EPM2A: variants seen among roughly 807,000 people sequenced by gnomAD.
EPM2A encodes the protein laforin.
In EPM2A, 21 loss-of-function variants were observed where a neutral mutation model predicts 26.5. The ratio of observed to expected loss-of-function variants is 0.79; its 90% CI spans 0.56 to 1.14. The LOEUF (loss-of-function observed/expected upper bound fraction) is 1.14. EPM2A is among the 50% of genes most tolerant of loss of function. EPM2A has a pLI of 0.00. For synonymous variants in EPM2A, 217 were observed against 177.6 expected (o/e 1.22, Z -1.76); for missense variants, 458 against 440.8 (o/e 1.04, Z -0.35).
intron 1 of EPM2A, among the ~76,000 whole-genome samples, chr6:145,691,260 G>A (rs1181673134): frequency 2.0e-5 from 3 of 151,794 alleles, no homozygotes; most frequent in Non-Finnish European, 4.4e-5. Flanking sequence ...AGTAGCCAGA[G>A]AAAAACAGCA....
At chr6:145,420,970 G>C (rs1005002008) in intron 4 of EPM2A, among the ~76,000 whole-genome samples, 1 of 152,008 alleles carries the variant, frequency 6.6e-6, no homozygotes, top group African/African-American at 2.4e-5. Flanking sequence ...AGAGCCTTTG[G>C]GACCTAATTA....
intron 2 of EPM2A, among the ~76,000 whole-genome samples, chr6:145,588,338 G>A (rs1420216710): frequency 1.3e-5 from 2 of 152,092 alleles, no homozygotes; most frequent in Non-Finnish European, 2.9e-5. Context: ...AACAAGAATG[G>A]ACAAATCATA....
chr6:145,572,931 C>A (rs557636878), intron 2 of EPM2A, among the ~76,000 whole-genome samples: 222 of 152,260 alleles, frequency 1.5e-3, no homozygotes, highest in Admixed American at 2.3e-3. Context: ...GCACGCTAGG[C>A]GTTATGCCTC....
intron 1 of EPM2A, among the ~76,000 whole-genome samples, chr6:145,713,996 A>G (rs542793187): frequency 1.3e-5 from 2 of 152,348 alleles, no homozygotes; most frequent in East Asian, 3.9e-4. Flanking sequence ...CACATATTGT[A>G]TGACTCCATT....
intron 2 of EPM2A, among the ~76,000 whole-genome samples, chr6:145,682,102 T>G (rs1196014485): frequency 1.3e-5 from 2 of 152,148 alleles, no homozygotes; most frequent in East Asian, 3.9e-4. Flanking sequence ...GGAGGTTTAA[T>G]GGACTCACAG....
At chr6:145,416,959 T>C (rs1778716779) in intron 4 of EPM2A, among the ~76,000 whole-genome samples, 1 of 152,188 alleles carries the variant, frequency 6.6e-6, no homozygotes, top group African/African-American at 2.4e-5. Context: ...GAAGGGTTTC[T>C]ACAGGATGTT....
chr6:145,669,193 A>G (rs1314623155), intron 2 of EPM2A, among the ~76,000 whole-genome samples: 4 of 152,208 alleles, frequency 2.6e-5, no homozygotes, highest in African/African-American at 9.7e-5. Flanking sequence ...GCATTTTACA[A>G]CTTATCAAAA....
chr6:145,727,648 C>T (rs1017463056), intron 1 of EPM2A, among the ~76,000 whole-genome samples: 4 of 152,174 alleles, frequency 2.6e-5, no homozygotes, highest in Non-Finnish European at 5.9e-5. Context: ...ATAGAGTTTA[C>T]AATCTGGTAG....
At chr6:145,707,388 T>C (rs542811392) in intron 1 of EPM2A, among the ~76,000 whole-genome samples, 2 of 152,130 alleles carry the variant, frequency 1.3e-5, no homozygotes, top group East Asian at 3.9e-4. Flanking sequence ...TACTAAGAAG[T>C]TTAGACTTAT....
At chr6:145,400,346 G>C (rs2114666017) in intron 4 of EPM2A, among the ~76,000 whole-genome samples, 1 of 152,294 alleles carries the variant, frequency 6.6e-6, no homozygotes, top group East Asian at 1.9e-4. Flanking sequence ...TGATGACACA[G>C]AAGGTCAGAC....
At chr6:145,590,381 T>C (rs924209894) in intron 2 of EPM2A, among the ~76,000 whole-genome samples, 1 of 151,976 alleles carries the variant, frequency 6.6e-6, no homozygotes, top group Non-Finnish European at 1.5e-5. Flanking sequence ...AGGGCACTTA[T>C]TCTCCTCCAG....
intron 1 of EPM2A, among the ~76,000 whole-genome samples, chr6:145,728,049 G>A (rs565301408): frequency 2.6e-5 from 4 of 152,236 alleles, no homozygotes; most frequent in South Asian, 4.1e-4. Flanking sequence ...CATGTAGGAC[G>A]TGCCTGCTTC....
At chr6:145,394,265 A>T (rs939955757) in intron 4 of EPM2A, among the ~76,000 whole-genome samples, 1 of 152,102 alleles carries the variant, frequency 6.6e-6, no homozygotes, top group Admixed American at 6.6e-5. Context: ...ACCATTCCAG[A>T]GGTCTATCCT....
intron 4 of EPM2A, among the ~76,000 whole-genome samples, chr6:145,466,171 C>CAA (rs201248621): frequency 1.4e-5 from 2 of 145,242 alleles, no homozygotes; most frequent in Non-Finnish European, 1.5e-5. Context: ...TTCTGCATAG[C>CAA]AAAAAAAAAA....
chr6:145,662,451 A>AG (rs1437673060), intron 2 of EPM2A, among the ~76,000 whole-genome samples: 1 of 151,908 alleles, frequency 6.6e-6, no homozygotes, highest in Non-Finnish European at 1.5e-5. Flanking sequence ...TTGTTCAAAA[A>AG]AATCATTTAA....
chr6:145,626,991 A>T lies in EPM2A; in HGVS notation c.*425T>A, dbSNP rs2128555603. On this transcript the variant is annotated 3_prime_UTR_variant, in exon 4 of 4. Transcript: ENST00000367519. Reference sequence around the variant, plus strand: ...TCCTCCTTTGGCAACTGACCAGCTCACGCACACATACTAGTGATGAAATCC... The same window carrying T: ...TCCTCCTTTGGCAACTGACCAGCTCTCGCACACATACTAGTGATGAAATCC... 2 of 1,083,360 alleles carry T rather than the reference A, an allele frequency of 1.8e-6. No homozygotes were observed. Among genetic ancestry groups the T allele is most frequent in the Non-Finnish European group, 2.2e-6 (2 of 889,014 alleles). 67.1% of individuals were successfully genotyped at this position (1,083,360 alleles called of 1,614,324 possible).
At chr6:145,676,622 A>C (rs1026311394) in intron 2 of EPM2A, among the ~76,000 whole-genome samples, 2 of 152,206 alleles carry the variant, frequency 1.3e-5, no homozygotes, top group African/African-American at 4.8e-5. Context: ...AAAAAAATAC[A>C]AACTACCATC....
Position 145,472,821 on chromosome 6 carries a change from G to A in EPM2A, c.555+29701C>T, listed in dbSNP as rs181509444. Among the ~76,000 whole-genome samples, 36 of 152,290 alleles carry A rather than the reference G, an allele frequency of 2.4e-4. No homozygotes were observed. In the East Asian group the frequency reaches 6.2e-3, roughly 26 times the overall value. ...AGGCGATACCTCTACAAGTCTGCAA[G>A]AACCACAGTGTTACTGGGTTTGGGA... On this transcript the variant is annotated intron_variant, in intron 4 of 4. Transcript: ENST00000638717.
chr6:145,471,789 C>G (rs1036693142), intron 4 of EPM2A, among the ~76,000 whole-genome samples: 2 of 152,116 alleles, frequency 1.3e-5, no homozygotes, highest in Non-Finnish European at 1.5e-5. Context: ...CCAAAATGTT[C>G]TGTTTCTAAG....
Sources: gnomAD v4.1 joint callset for allele counts (sites outside exome capture counted in the v4.1 genomes callset) on GRCh38, gnomAD v4.1.1 for gene constraint, MANE v1.5 for transcripts, NCBI Gene and HGNC (gene_info 2026-07-23, HGNC 2026-07-21) for gene names.